NTM: variants seen among roughly 807,000 people sequenced by gnomAD.
NTM encodes neurotrimin.
A neutral mutation model predicts 42.1 loss-of-function variants in NTM; 13 were observed. That is an observed-to-expected ratio of 0.31 (90% CI 0.20 to 0.49). NTM has a LOEUF of 0.49. Among genes scored for constraint, NTM ranks in the 20% least tolerant of loss-of-function variants. NTM has a pLI of 0.99. For synonymous variants in NTM, 187 were observed against 179.2 expected (o/e 1.04, Z -0.35); for missense variants, 373 against 452.8 (o/e 0.82, Z 1.60).
At chr11:131,394,548 C>G (rs1329198951) in intron 1 of NTM, among the ~76,000 whole-genome samples, 1 of 152,202 alleles carries the variant, frequency 6.6e-6, no homozygotes, top group Non-Finnish European at 1.5e-5. Flanking sequence ...GCCTTCACCT[C>G]TCTGGATTCT....
intron 1 of NTM, among the ~76,000 whole-genome samples, chr11:131,680,132 A>AC (rs540554932): frequency 1.4e-5 from 2 of 147,056 alleles, no homozygotes; most frequent in African/African-American, 5.0e-5. Context: ...AGGAGCCCTG[A>AC]CCCCCCATCC....
intron 4 of NTM, among the ~76,000 whole-genome samples, chr11:132,292,705 C>T (rs961342125): frequency 9.7e-5 from 13 of 133,526 alleles, no homozygotes; most frequent in African/African-American, 3.8e-4. Context: ...GGGAGGGAGG[C>T]GAAGGAGTTG....
chr11:131,630,336 G>A (rs141542937), intron 1 of NTM, among the ~76,000 whole-genome samples: 23 of 152,224 alleles, frequency 1.5e-4, no homozygotes, highest in South Asian at 1.0e-3. Context: ...CTGCCAAGCC[G>A]TAACTTAATC....
chr11:131,812,324 G>A (rs2092771733), intron 1 of NTM, among the ~76,000 whole-genome samples: 1 of 151,956 alleles, frequency 6.6e-6, no homozygotes, highest in South Asian at 2.1e-4. Flanking sequence ...ACGGGGAATT[G>A]AGGTATCCTT....
intron 1 of NTM, among the ~76,000 whole-genome samples, chr11:131,527,067 C>A (rs759989410): frequency 4.6e-5 from 7 of 152,200 alleles, no homozygotes; most frequent in Non-Finnish European, 8.8e-5. Flanking sequence ...CAACCTCTTA[C>A]AAGTCTCACC....
At chr11:131,457,444 G>A (rs1298867752) in intron 1 of NTM, among the ~76,000 whole-genome samples, 2 of 152,158 alleles carry the variant, frequency 1.3e-5, no homozygotes, top group East Asian at 3.9e-4. Context: ...GGCTGGCAGA[G>A]AGAGACTTTG....
At chr11:132,189,144 A>G (rs1014237282) in intron 3 of NTM, among the ~76,000 whole-genome samples, 26 of 152,304 alleles carry the variant, frequency 1.7e-4, no homozygotes, top group Admixed American at 3.9e-4. Context: ...AGAGAGGCCA[A>G]AGATAAGAAC....
At chr11:132,334,409 G>A (rs903063210) in intron 8 of NTM, among the ~76,000 whole-genome samples, 7 of 152,240 alleles carry the variant, frequency 4.6e-5, no homozygotes, top group African/African-American at 9.6e-5. Context: ...GGCTGGCTTC[G>A]GCCTTGCAGG....
chr11:131,826,909 G>C (rs2042204006), intron 1 of NTM, among the ~76,000 whole-genome samples: 1 of 152,146 alleles, frequency 6.6e-6, no homozygotes, highest in African/African-American at 2.4e-5. Context: ...ATGGCATGGA[G>C]TAGTGGCATT....
intron 1 of NTM, among the ~76,000 whole-genome samples, chr11:131,416,109 G>C (rs537832840): frequency 1.3e-5 from 2 of 151,938 alleles, no homozygotes; most frequent in East Asian, 3.9e-4. Flanking sequence ...TTTATCTGAG[G>C]TTCAAATTCA....
intron 1 of NTM, chr11:131,911,241 C>G (rs2054886127): frequency 1.4e-6 from 2 of 1,413,974 alleles, no homozygotes; most frequent in Non-Finnish European, 1.8e-6. Context: ...GGAGGGAGCC[C>G]CCTTTGGCCG....
At chr11:131,567,570 T>C (rs973274285) in intron 1 of NTM, among the ~76,000 whole-genome samples, 1 of 152,184 alleles carries the variant, frequency 6.6e-6, no homozygotes, top group Admixed American at 6.5e-5. Context: ...ACGTGTCCTA[T>C]TGGAAGCATT....
At chr11:132,118,271 A>G (rs2064190280) in intron 2 of NTM, among the ~76,000 whole-genome samples, 1 of 152,128 alleles carries the variant, frequency 6.6e-6, no homozygotes, top group Non-Finnish European at 1.5e-5. Context: ...ATTAATTACC[A>G]GTGGCTGCAA....
chr11:132,136,971 A>G (rs1199920044), intron 2 of NTM, among the ~76,000 whole-genome samples: 1 of 152,182 alleles, frequency 6.6e-6, no homozygotes, highest in Non-Finnish European at 1.5e-5. Context: ...GGAGCAAGGT[A>G]ATTCCAGCCC....
chr11:132,306,977 G>A (rs1281677533), intron 4 of NTM, among the ~76,000 whole-genome samples: 3 of 152,076 alleles, frequency 2.0e-5, no homozygotes, highest in Admixed American at 6.6e-5. Context: ...AATGAGTCCC[G>A]CAATGATTAG....
chr11:131,757,052 A>C (rs1200752819), intron 1 of NTM, among the ~76,000 whole-genome samples: 5 of 152,182 alleles, frequency 3.3e-5, no homozygotes, highest in Non-Finnish European at 7.3e-5. Context: ...TGCCTTCAGC[A>C]GGGGCAGCCT....
chr11:132,263,899 C>G (rs559528587), intron 4 of NTM, among the ~76,000 whole-genome samples: 2 of 152,270 alleles, frequency 1.3e-5, no homozygotes, highest in South Asian at 4.1e-4. Flanking sequence ...CATATTTCTA[C>G]CAATATTATG....
chr11:132,187,769 A>G (rs1385617037), intron 3 of NTM, among the ~76,000 whole-genome samples: 3 of 152,168 alleles, frequency 2.0e-5, no homozygotes, highest in Non-Finnish European at 2.9e-5. Flanking sequence ...CAGGAGCGTG[A>G]TAGGGTATGT....
chr11:131,611,417 G>A (rs558300256), intron 1 of NTM, among the ~76,000 whole-genome samples: 4 of 152,262 alleles, frequency 2.6e-5, no homozygotes, highest in South Asian at 2.1e-4. Context: ...CACGCTACAC[G>A]CTGCATATGA....
Sources: allele counts gnomAD v4.1 joint callset (sites outside exome capture counted in the v4.1 genomes callset), GRCh38; gene constraint gnomAD v4.1.1; transcripts MANE v1.5; gene names NCBI Gene and HGNC (gene_info 2026-07-23, HGNC 2026-07-21).